COL4A1: variants seen among roughly 807,000 people sequenced by gnomAD.
The protein encoded by COL4A1 is collagen alpha-1(IV) chain.
In COL4A1, 40 loss-of-function variants were observed where a neutral mutation model predicts 216.6. That is an observed-to-expected ratio of 0.18 (90% CI 0.14 to 0.24). COL4A1 has a LOEUF of 0.24. Ranked by LOEUF, COL4A1 falls within the 10% of genes least tolerant of loss-of-function variation. COL4A1 has a pLI of 1.00. For missense variants in COL4A1, 1,628 were observed against 2,196.8 expected, an observed-to-expected ratio of 0.74 and a Z score of 5.18; for synonymous variants, 839 against 810.7, an observed-to-expected ratio of 1.03 and a Z score of -0.59.
At chr13:110,188,070 A>G (rs904126774) in intron 24 of COL4A1, among the ~76,000 whole-genome samples, 2 of 152,218 alleles carry the variant, frequency 1.3e-5, no homozygotes, top group African/African-American at 4.8e-5. Flanking sequence ...TTAAAACTGC[A>G]AAGAACACCC....
intron 1 of COL4A1, among the ~76,000 whole-genome samples, chr13:110,297,529 T>C (rs1271636107): frequency 6.6e-6 from 1 of 152,222 alleles, no homozygotes; most frequent in African/African-American, 2.4e-5. Flanking sequence ...TTTATTTTTA[T>C]TAATTTTATT....
intron 26 of COL4A1, among the ~76,000 whole-genome samples, chr13:110,185,659 G>A (rs1594559932): frequency 6.6e-6 from 1 of 152,232 alleles, no homozygotes; most frequent in East Asian, 1.9e-4. Flanking sequence ...ACTGGGAATC[G>A]CAGTCAGATA....
chr13:110,184,968 C>T (rs1878337160), intron 26 of COL4A1, among the ~76,000 whole-genome samples: 1 of 152,004 alleles, frequency 6.6e-6, no homozygotes, highest in Non-Finnish European at 1.5e-5. Context: ...GCGTGCCCAG[C>T]CTATACACTG....
chr13:110,237,100 C>A (rs1184384393), intron 2 of COL4A1, among the ~76,000 whole-genome samples: 1 of 152,152 alleles, frequency 6.6e-6, no homozygotes, highest in African/African-American at 2.4e-5. Flanking sequence ...CCCGTCCCGA[C>A]CCGTTAGAGA....
At chr13:110,179,178 T>C (rs1012097777) in intron 30 of COL4A1, 93 bp downstream of exon 30, 34 of 1,581,786 alleles carry the variant, frequency 2.1e-5, no homozygotes, top group Non-Finnish European at 2.3e-5. Flanking sequence ...GTTCAACAAA[T>C]ACATATCAAA....
At chr13:110,205,693 T>C (rs1879477932) in intron 15 of COL4A1, among the ~76,000 whole-genome samples, 155 bp from the exon 16 acceptor site, 1 of 151,988 alleles carries the variant, frequency 6.6e-6, no homozygotes, top group Admixed American at 6.6e-5. Context: ...CGAAATCCCG[T>C]CTCCACTAAA....
intron 11 of COL4A1, 150 bp downstream of exon 11, chr13:110,209,242 T>C: frequency 3.0e-6 from 2 of 662,108 alleles, no homozygotes; most frequent in South Asian, 3.9e-5. Context: ...TAATAAATGA[T>C]ATATGATAGA....
chr13:110,240,697 AG>A (rs1316724665), intron 2 of COL4A1, among the ~76,000 whole-genome samples: 2 of 152,232 alleles, frequency 1.3e-5, no homozygotes, highest in Admixed American at 1.3e-4. Flanking sequence ...ACACATGTGT[AG>A]CCCACTCGGA....
At chr13:110,166,609 G>A (rs145375343) in intron 44 of COL4A1, among the ~76,000 whole-genome samples, 165 of 152,276 alleles carry the variant, frequency 1.1e-3, no homozygotes, top group African/African-American at 3.5e-3. Flanking sequence ...TTCTGGTCAC[G>A]TGTGTAAAAC....
Position 110,205,437 on chromosome 13 carries a change from A to T in COL4A1, c.904-31T>A, listed in dbSNP as rs1879456894. Reference sequence around the variant, plus strand: ...ACCGAAGAGAGAAGCAGTAACCGTCAGAGGCCAGTGGTAGGAACAGTGAGC... The same window carrying T: ...ACCGAAGAGAGAAGCAGTAACCGTCTGAGGCCAGTGGTAGGAACAGTGAGC... On this transcript the variant is annotated intron_variant, in intron 16 of 51. Coordinates refer to ENST00000375820, the MANE Select transcript of COL4A1 (RefSeq NM_001845.6). 5 of 1,613,306 alleles carry T rather than the reference A, an allele frequency of 3.1e-6. No homozygotes were observed. The East Asian group carries it at 1.1e-4, about 36-fold the overall frequency.
chr13:110,174,854 T>C, intron 37 of COL4A1, 105 bp from the exon 38 acceptor site: 1 of 1,084,040 alleles, frequency 9.2e-7, no homozygotes, highest in South Asian at 1.2e-5. Flanking sequence ...GAATATTGCA[T>C]TGCAAAACTC....
chr13:110,274,580 A>G (rs989531938), intron 1 of COL4A1, among the ~76,000 whole-genome samples: 2 of 152,126 alleles, frequency 1.3e-5, no homozygotes, highest in Admixed American at 1.3e-4. Context: ...AATGATATAC[A>G]ATATATGTGA....
intron 1 of COL4A1, among the ~76,000 whole-genome samples, chr13:110,290,728 G>A (rs112640960): frequency 0.012 from 1,772 of 151,438 alleles, 32 homozygotes; most frequent in African/African-American, 0.041. Flanking sequence ...AAGCTTGGGT[G>A]CACGAGAGCA....
At chr13:110,282,298 T>C (rs1883662969) in intron 1 of COL4A1, among the ~76,000 whole-genome samples, 1 of 152,160 alleles carries the variant, frequency 6.6e-6, no homozygotes, top group African/African-American at 2.4e-5. Flanking sequence ...CCTCACACTG[T>C]CATTGCGCAG....
intron 2 of COL4A1, among the ~76,000 whole-genome samples, chr13:110,238,103 A>G (rs1881403338): frequency 6.6e-6 from 1 of 152,224 alleles, no homozygotes; most frequent in African/African-American, 2.4e-5. Flanking sequence ...TGCAGAGCCA[A>G]TGTGGACAGG....
At position 110,207,187 on chromosome 13, in the gene COL4A1, G is replaced by C. The variant is rs587596; in HGVS notation, c.780+216C>G. ...CACATTTAAGAAGCCCTGATCCAGC[G>C]GGGTGAGCCTCAGATCAGGCTTGGA... On this transcript the variant is annotated intron_variant, in intron 13 of 51. Transcript: ENST00000375820. This position sits in a 1 kb window ranked among gnomAD's most constrained non-coding sequence, Gnocchi z 4.4. 0.58 allele frequency among the ~76,000 whole-genome samples: 87,266 copies of C among 151,396 alleles called. 26,078 individuals carry two copies. Among genetic ancestry groups the C allele is most frequent in the East Asian group, 0.76 (3,879 of 5,102 alleles).
Position 110,178,148 on chromosome 13 carries a change from G to C in COL4A1, c.2542C>G (p.Gln848Glu), listed in dbSNP as rs144207910. Residue 848 changes from glutamine to glutamate, a missense_variant, in exon 32 of 52, where the codon CAA becomes GAA. This residue lies in a region of COL4A1 where 701 missense variants were observed against 892.5 expected (regional missense o/e 0.79). Coordinates refer to ENST00000375820, the MANE Select transcript of COL4A1 (RefSeq NM_001845.6). ...TGTCCCGTTATGCCAGGGAGTCCTT[G>C]AGCCCCTTTATCTCCTTTAGGGCCC... is the stretch of plus-strand genomic sequence containing the variant. ...MPGPKGDKGA[Q>E]GLPGITGQSG... The C allele has an allele frequency of 1.2e-4, 199 of 1,614,208 alleles. No individual in the cohort carries two copies. The African/African-American group carries it at 2.5e-3, about 20-fold the overall frequency.
At chr13:110,235,983 C>T (rs1299097028) in intron 2 of COL4A1, among the ~76,000 whole-genome samples, 1 of 152,076 alleles carries the variant, frequency 6.6e-6, no homozygotes, top group Non-Finnish European at 1.5e-5. Flanking sequence ...AGTACAGTCC[C>T]TGTCTCAAAA....
chr13:110,303,357 G>C (rs1176472844), intron 1 of COL4A1, among the ~76,000 whole-genome samples: 3 of 151,658 alleles, frequency 2.0e-5, no homozygotes, highest in Non-Finnish European at 4.4e-5. Context: ...AGTTGGAGCT[G>C]GGAGCTCTTT....
Sources: gnomAD v4.1 joint callset for allele counts (sites outside exome capture counted in the v4.1 genomes callset) on GRCh38, gnomAD v4.1.1 for gene constraint, gnomAD v4.1.1 regional missense constraint, Gnocchi (gnomAD v3.1) non-coding constraint, MANE v1.5 for transcripts, NCBI Gene and HGNC (gene_info 2026-07-23, HGNC 2026-07-21) for gene names.